The following PBX1 variants were observed in gnomAD, a reference collection of about 807,000 sequenced individuals.
PBX1 encodes PBX homeobox 1.
Under a neutral mutation model 53.4 loss-of-function variants are expected in PBX1, and 6 were observed. The ratio of observed to expected loss-of-function variants is 0.11; its 90% CI spans 0.06 to 0.22. The LOEUF is 0.22. Among genes scored for constraint, PBX1 ranks in the 10% least tolerant of loss-of-function variants. PBX1 has a pLI of 1.00. For missense variants in PBX1, 251 were observed against 551.4 expected, an observed-to-expected ratio of 0.46 and a Z score of 5.46; for synonymous variants, 204 against 212.3, an observed-to-expected ratio of 0.96 and a Z score of 0.34.
At chr1:164,881,716 T>C (rs2102466659) in intron 2 of PBX1, among the ~76,000 whole-genome samples, 1 of 152,238 alleles carries the variant, frequency 6.6e-6, no homozygotes, top group Middle Eastern at 3.4e-3. Context: ...CTGTCCAGCA[T>C]CTGCTCATTG....
At chr1:164,799,297 T>C (rs921972694) in intron 3 of PBX1, among the ~76,000 whole-genome samples, 3 of 152,252 alleles carry the variant, frequency 2.0e-5, no homozygotes, top group East Asian at 3.9e-4. Flanking sequence ...GAGACCATCC[T>C]GGCTAACACA....
chr1:164,588,717 G>C (rs1363354481), intron 2 of PBX1, among the ~76,000 whole-genome samples: 2 of 151,878 alleles, frequency 1.3e-5, no homozygotes, highest in East Asian at 1.9e-4. Flanking sequence ...GAGGCTGGAG[G>C]GGGAAGAAAC....
intron 2 of PBX1, among the ~76,000 whole-genome samples, chr1:164,751,368 G>A (rs1369646702): frequency 1.3e-5 from 2 of 150,886 alleles, no homozygotes; most frequent in East Asian, 1.9e-4. Flanking sequence ...AGTCTTTTAT[G>A]AATGTGTACA....
chr1:164,787,452 T>G (rs888729312), intron 2 of PBX1, among the ~76,000 whole-genome samples: 3 of 152,040 alleles, frequency 2.0e-5, no homozygotes, highest in Non-Finnish European at 1.5e-5. Context: ...CACTTGACTG[T>G]CCGCCCGCCT....
chr1:164,749,796 C>A (rs1666097826), intron 2 of PBX1, among the ~76,000 whole-genome samples: 2 of 152,098 alleles, frequency 1.3e-5, no homozygotes, highest in South Asian at 4.1e-4. Flanking sequence ...ATAGATGATC[C>A]ACCCTGTCTG....
chr1:164,734,991 T>C lies in PBX1; in HGVS notation c.266-57503T>C, dbSNP rs967479327. On this transcript the variant is annotated intron_variant, in intron 2 of 8. Coordinates refer to ENST00000420696, the MANE Select transcript of PBX1 (RefSeq NM_002585.4). Reference sequence around the variant, plus strand: ...CTTCTATAATGCACTTTCAAAAATATACATCTCCAGCTAAAATTTAATGTA... The same window carrying C: ...CTTCTATAATGCACTTTCAAAAATACACATCTCCAGCTAAAATTTAATGTA... Among the ~76,000 whole-genome samples, 3 of 152,352 alleles carry C rather than the reference T, an allele frequency of 2.0e-5. No homozygotes were observed. The South Asian group carries it at 6.2e-4, about 32-fold the overall frequency.
intron 2 of PBX1, among the ~76,000 whole-genome samples, chr1:164,734,396 G>A (rs1217539309): frequency 6.6e-6 from 1 of 152,130 alleles, no homozygotes; most frequent in African/African-American, 2.4e-5. Context: ...ATTATTTCTT[G>A]TCTGAATAAT....
chr1:164,716,162 G>A (rs1004912119), intron 2 of PBX1, among the ~76,000 whole-genome samples: 1 of 152,192 alleles, frequency 6.6e-6, no homozygotes, highest in Admixed American at 6.5e-5. Context: ...AATGTGTGTG[G>A]TGACTGCCAA....
At chr1:164,752,245 T>C (rs1462295275) in intron 2 of PBX1, among the ~76,000 whole-genome samples, 5 of 147,120 alleles carry the variant, frequency 3.4e-5, no homozygotes, top group East Asian at 4.0e-4. Context: ...TGTGTGTGTG[T>C]GCCCTCAGTG....
At chr1:164,863,095 A>G (rs1013275681) in intron 2 of PBX1, among the ~76,000 whole-genome samples, 13 of 152,220 alleles carry the variant, frequency 8.5e-5, no homozygotes, top group South Asian at 2.1e-4. Context: ...TGGTAAAAAA[A>G]AAGTTTCCCA....
intron 2 of PBX1, among the ~76,000 whole-genome samples, chr1:164,644,150 AG>A (rs1659310837): frequency 6.6e-6 from 1 of 152,180 alleles, no homozygotes; most frequent in Non-Finnish European, 1.5e-5. Flanking sequence ...GGGTTAAAAA[AG>A]GCTGGCCAGC....
At chr1:164,711,155 C>CTGACTT (rs1173954644) in intron 2 of PBX1, among the ~76,000 whole-genome samples, 1 of 152,204 alleles carries the variant, frequency 6.6e-6, no homozygotes, top group African/African-American at 2.4e-5. Context: ...AGGGTGGCTG[C>CTGACTT]TGACTTTGTA....
At chr1:164,871,106 C>T (rs1232034772) in intron 2 of PBX1, among the ~76,000 whole-genome samples, 1 of 152,228 alleles carries the variant, frequency 6.6e-6, no homozygotes, top group Admixed American at 6.5e-5. Context: ...ACAGGTTCCC[C>T]ATCCTTTTGC....
chr1:164,646,343 T>C (rs1470507242), intron 2 of PBX1, among the ~76,000 whole-genome samples: 2 of 152,188 alleles, frequency 1.3e-5, no homozygotes, highest in Non-Finnish European at 2.9e-5. Flanking sequence ...AGGTACTGAA[T>C]CAGTAGTGGT....
chr1:164,752,938 G>A lies in PBX1; in HGVS notation c.266-39556G>A, dbSNP rs80285536. On this transcript the variant is annotated intron_variant, in intron 2 of 8. Coordinates refer to ENST00000420696, the MANE Select transcript of PBX1 (RefSeq NM_002585.4). ...TAAGCTGCCTTTGGTGGGGAAAATG[G>A]TAAGTCTGTGCATGTGTGTGTTTTA... is the stretch of plus-strand genomic sequence containing the variant. Among the ~76,000 whole-genome samples, 1,281 of 152,304 alleles carry A rather than the reference G, an allele frequency of 8.4e-3. 11 individuals are homozygous for A. The highest frequency in any genetic ancestry group is 0.014 in the Non-Finnish European group (953 of 68,038).
At chr1:164,673,904 T>G (rs1439006335) in intron 2 of PBX1, among the ~76,000 whole-genome samples, 1 of 152,116 alleles carries the variant, frequency 6.6e-6, no homozygotes, top group Non-Finnish European at 1.5e-5. Context: ...AGCACAATGA[T>G]AGCTGCTACT....
intron 2 of PBX1, chr1:164,626,144 T>A: frequency 1.0e-6 from 1 of 991,768 alleles, no homozygotes; most frequent in Non-Finnish European, 1.2e-6. Context: ...TGACTTGAGA[T>A]GCATATACCA....
At position 164,665,132 on chromosome 1, in the gene PBX1, T is replaced by C. The variant is rs142508451; in HGVS notation, c.265+101821T>C. 8.9e-3 allele frequency among the ~76,000 whole-genome samples: 1,356 copies of C among 152,322 alleles called. 18 individuals carry two copies. Among genetic ancestry groups the C allele is most frequent in the African/African-American group, 0.032 (1,315 of 41,568 alleles). ...TGTCTAAATGGGAAAGACTAGATGA[T>C]CTCTTGTACATTGGCAACATAGCTG... is the stretch of plus-strand genomic sequence containing the variant. On this transcript the variant is annotated intron_variant, in intron 2 of 8. Coordinates refer to ENST00000420696, the MANE Select transcript of PBX1 (RefSeq NM_002585.4).
chr1:164,664,108 C>CT (rs1310158158), intron 2 of PBX1, among the ~76,000 whole-genome samples: 1 of 152,216 alleles, frequency 6.6e-6, no homozygotes, highest in Non-Finnish European at 1.5e-5. Flanking sequence ...AGGGAAGTGT[C>CT]TGTCTGTTCA....
Sources: gnomAD v4.1 joint callset for allele counts (sites outside exome capture counted in the v4.1 genomes callset) on GRCh38, gnomAD v4.1.1 for gene constraint, MANE v1.5 for transcripts, NCBI Gene and HGNC (gene_info 2026-07-23, HGNC 2026-07-21) for gene names.